Variants in ZKSCAN5 observed in about 807,000 individuals in gnomAD.
ZKSCAN5 encodes zinc finger protein with KRAB and SCAN domains 5.
In ZKSCAN5, 28 loss-of-function variants were observed where a neutral mutation model predicts 60.0. That is an observed-to-expected ratio of 0.47 (90% CI 0.35 to 0.64). The LOEUF (loss-of-function observed/expected upper bound fraction) is 0.64, where lower values mean the gene tolerates loss of function less well. Among genes scored for constraint, ZKSCAN5 ranks in the 30% least tolerant of loss-of-function variants. ZKSCAN5 has a pLI of 0.01. For missense variants in ZKSCAN5, 881 were observed against 1,034.6 expected (o/e 0.85, Z 2.04); for synonymous variants, 361 against 371.2 (o/e 0.97, Z 0.31).
At position 99,529,784 on chromosome 7, in the gene ZKSCAN5, G is replaced by A. The variant is rs550057187; in HGVS notation, c.1379-1324G>A. The stretch of plus-strand genomic sequence containing the variant: ...GGAGTCTCGCTGTGTTGCCCAGGCT[G>A]GAGTGCAGTGGCGCAATCTTGGCTC... On this transcript the variant is annotated intron_variant, in intron 6 of 6. Transcript: ENST00000326775. 2.6e-5 allele frequency among the ~76,000 whole-genome samples: 4 copies of A among 152,206 alleles called. No homozygotes were observed. The South Asian group carries it at 8.3e-4, about 32-fold the overall frequency.
In ZKSCAN5 at chr7:99,525,975, A is replaced by G. The variant is rs757882579; in HGVS notation, c.935A>G (p.Asn312Ser). 8.1e-6 allele frequency: 13 copies of G among 1,613,920 alleles called. No individual in the cohort carries two copies. Among genetic ancestry groups the G allele is most frequent in the South Asian group, 4.4e-5 (4 of 91,080 alleles). The change falls in exon 6 of 7, where the codon AAC (asparagine) becomes AGC (serine). Residue 312 changes from asparagine to serine, a missense_variant. Transcript: ENST00000326775. ...GGCATGGTACAAAGGTGGCAGGTCA[A>G]CCCCACTGTGGGGAAATCAAGGCAG... The part of the protein sequence containing the change: ...LKGMVQRWQV[N>S]PTVGKSRQNP...
intron 6 of ZKSCAN5, among the ~76,000 whole-genome samples, chr7:99,528,627 CTG>C (rs1170569337): frequency 2.0e-5 from 3 of 152,122 alleles, no homozygotes; most frequent in Non-Finnish European, 4.4e-5. Context: ...GGGTCTGGCT[CTG>C]TTGCCCAGGC....
At chr7:99,525,756 T>G (rs2151113364) in intron 5 of ZKSCAN5, 57 bp from the exon 6 acceptor site, 1 of 1,548,904 alleles carries the variant, frequency 6.5e-7, no homozygotes, top group East Asian at 2.3e-5. Context: ...TCCCCTCATT[T>G]TATTTCTTCA....
At chr7:99,519,981 C>T in intron 4 of ZKSCAN5, 72 bp downstream of exon 4, 3 of 1,572,986 alleles carry the variant, frequency 1.9e-6, no homozygotes, top group Non-Finnish European at 2.6e-6. Context: ...TTTCTTTAGC[C>T]AGTGACTAGG....
rs1439574428 is a variant in ZKSCAN5 at position 99,520,376 on chromosome 7, A to G, written c.772+72A>G. Reference sequence around the variant, plus strand: ...ATCTTGTAAAGAGTATTTCTGGCTCATCTTATAATGGCATTTATGTTTTAT... The same window carrying G: ...ATCTTGTAAAGAGTATTTCTGGCTCGTCTTATAATGGCATTTATGTTTTAT... On this transcript the variant is annotated intron_variant, in intron 5 of 6. Transcript: ENST00000326775. 5.4e-6 allele frequency: 8 copies of G among 1,485,726 alleles called. No individual in the cohort carries two copies. In the East Asian group the frequency reaches 1.7e-4, roughly 31 times the overall value. 92.0% of individuals were successfully genotyped at this position (1,485,726 alleles called of 1,614,324 possible). A position where few individuals can be genotyped will look rare whatever the true frequency, so the allele number is the denominator to read the frequency against.
chr7:99,533,301 G>A lies in ZKSCAN5; in HGVS notation c.*1052G>A, dbSNP rs1352112058. 9.1e-6 allele frequency: 6 copies of A among 660,758 alleles called. No homozygotes were observed. The highest frequency in any genetic ancestry group is 1.7e-5 in the Non-Finnish European group (6 of 358,886). The allele number at this position is 660,758 out of a possible 1,614,324, so 40.9% of individuals were successfully genotyped here. ...GTTAGCCCTGCCTTCCAGGAAGGTT[G>A]GGGTGGGAGTTTTGAGTGGGAAAGA... On this transcript the variant is annotated 3_prime_UTR_variant, in exon 7 of 7. Transcript: ENST00000326775.
intron 1 of ZKSCAN5, 197 bp from the exon 2 acceptor site, chr7:99,505,805 TATC>T (rs1339804641): frequency 3.6e-4 from 152 of 423,268 alleles, no homozygotes; most frequent in Non-Finnish European, 1.2e-4. Flanking sequence ...TATTCCTTAT[TATC>T]ATTTTGTGGG....
At chr7:99,515,320 T>G (rs1042282288) in intron 3 of ZKSCAN5, among the ~76,000 whole-genome samples, 6 of 151,624 alleles carry the variant, frequency 4.0e-5, no homozygotes, top group African/African-American at 1.5e-4. Context: ...GACAGGAGAA[T>G]GGCTTGAACA....
rs533883049 is a variant in ZKSCAN5, at chr7:99,533,419, C to T, written c.*1170C>T. The stretch of plus-strand genomic sequence containing the variant: ...GCTCAGGCCGTTTCTGCTGACTTGC[C>T]TGGCTTACAATAAATGCCCAATAAA... On this transcript the variant is annotated 3_prime_UTR_variant, in exon 7 of 7. Transcript: ENST00000326775. 1.5e-5 allele frequency: 8 copies of T among 535,362 alleles called. No individual in the cohort carries two copies. In the East Asian group the frequency reaches 2.3e-4, roughly 15 times the overall value. The allele number at this position is 535,362 out of a possible 1,614,324, so 33.2% of individuals were successfully genotyped here.
rs1800720702 is a variant in ZKSCAN5 at position 99,506,238 on chromosome 7, G to A, written c.194G>A (p.Arg65Gln). The A allele has an allele frequency of 6.2e-7, 1 of 1,614,182 alleles. No homozygotes were observed. ...HFQYHEASGP[R>Q]EALSQLRVLC... Reference sequence around the variant, plus strand: ...CAGTACCATGAGGCTTCAGGACCCCGGGAGGCTCTCAGCCAACTCCGGGTG... The same window carrying A: ...CAGTACCATGAGGCTTCAGGACCCCAGGAGGCTCTCAGCCAACTCCGGGTG... Residue 65 changes from arginine to glutamine, a missense_variant, in exon 2 of 7, where the codon CGG (arginine) becomes CAG (glutamine). Arg to Gln is a conservative substitution (Grantham distance 43). Transcript: ENST00000326775.
At chr7:99,514,942 T>C (rs962564909) in intron 3 of ZKSCAN5, among the ~76,000 whole-genome samples, 6 of 150,164 alleles carry the variant, frequency 4.0e-5, no homozygotes, top group Admixed American at 3.3e-4. Flanking sequence ...TAGCTAGGCA[T>C]GGTGGCACAC....
At chr7:99,519,723 G>A (rs1801433612) in intron 3 of ZKSCAN5, 104 bp from the exon 4 acceptor site, 1 of 1,125,574 alleles carries the variant, frequency 8.9e-7, no homozygotes, top group African/African-American at 1.5e-5. Flanking sequence ...TTTGGCCTCG[G>A]CGCAGTAGGG....
chr7:99,506,722 G>A (rs1288830039), intron 2 of ZKSCAN5, among the ~76,000 whole-genome samples: 3 of 152,096 alleles, frequency 2.0e-5, no homozygotes, highest in African/African-American at 7.2e-5. Flanking sequence ...TCGCTCTGTC[G>A]CCTATGCTGG....
chr7:99,506,188 T>C lies in ZKSCAN5; in HGVS notation c.144T>C (p.Thr48=). Reference sequence around the variant, plus strand: ...AGTACAACCCGCCAACGTTTGAGACTTTTTACCAGCGCTTCAGGCACTTCC... The same window carrying C: ...AGTACAACCCGCCAACGTTTGAGACCTTTTACCAGCGCTTCAGGCACTTCC... ...MQEYNPPTFE[T]FYQRFRHFQY... Residue 48 remains threonine, a synonymous_variant, in exon 2 of 7, where the codon ACT becomes ACC. Transcript: ENST00000326775. The C allele has an allele frequency of 6.2e-7, 1 of 1,614,154 alleles. No individual in the cohort carries two copies. Among genetic ancestry groups the C allele is most frequent in the Non-Finnish European group, 8.5e-7 (1 of 1,180,022 alleles).
At chr7:99,510,526 C>A (rs1433038359) in intron 2 of ZKSCAN5, among the ~76,000 whole-genome samples, 2 of 151,910 alleles carry the variant, frequency 1.3e-5, no homozygotes, top group African/African-American at 4.8e-5. Flanking sequence ...CTCACTGCAA[C>A]CTCCACCTCC....
chr7:99,516,143 A>G (rs1192982299), intron 3 of ZKSCAN5, among the ~76,000 whole-genome samples: 1 of 152,040 alleles, frequency 6.6e-6, no homozygotes, highest in Non-Finnish European at 1.5e-5. Flanking sequence ...ACGCCTGGCC[A>G]CATCTGGTCT....
At chr7:99,526,485 C>A in intron 6 of ZKSCAN5, 67 bp downstream of exon 6, 5 of 1,545,884 alleles carry the variant, frequency 3.2e-6, no homozygotes, top group Non-Finnish European at 4.3e-6. Context: ...TTTATTAGTA[C>A]GGTACAACAG....
intron 1 of ZKSCAN5, chr7:99,505,673 CTAGT>C (rs777728752): frequency 5.6e-6 from 1 of 178,796 alleles, no homozygotes; most frequent in Non-Finnish European, 1.2e-5. Context: ...TGCGTCTGGA[CTAGT>C]TAGTCTCGTC....
At chr7:99,513,097 G>A (rs547108672) in intron 3 of ZKSCAN5, among the ~76,000 whole-genome samples, 72 of 150,952 alleles carry the variant, frequency 4.8e-4, no homozygotes, top group African/African-American at 1.6e-3. Context: ...TTGTTCTTGC[G>A]ATAGTTTACT....
Sources: allele counts gnomAD v4.1 joint callset (sites outside exome capture counted in the v4.1 genomes callset), GRCh38; gene constraint gnomAD v4.1.1; transcripts MANE v1.5; gene names NCBI Gene and HGNC (gene_info 2026-07-23, HGNC 2026-07-21).